The following IQCM variants were observed in gnomAD, a reference collection of about 807,000 sequenced individuals.
The protein encoded by IQCM is IQ domain-containing protein M.
IQCM carries 45 observed loss-of-function variants against 57.6 expected under a neutral mutation model. The observed-to-expected ratio is 0.78, with a 90% CI of 0.62 to 1.00. The LOEUF (loss-of-function observed/expected upper bound fraction) is 1.00. IQCM is among the 50% of genes least tolerant of loss of function. IQCM has a pLI of 0.00. For synonymous variants in IQCM, 148 were observed against 158.9 expected, an observed-to-expected ratio of 0.93 and a Z score of 0.51; for missense variants, 468 against 511.6, an observed-to-expected ratio of 0.91 and a Z score of 0.82.
intron 13 of IQCM, among the ~76,000 whole-genome samples, chr4:149,429,054 A>T (rs898030406): frequency 2.0e-4 from 31 of 152,012 alleles, no homozygotes; most frequent in African/African-American, 7.5e-4. Flanking sequence ...TTCTAGAAAG[A>T]TAATAGCTAA....
At chr4:149,803,295 T>G (rs1773778308) in intron 2 of IQCM, among the ~76,000 whole-genome samples, 1 of 152,060 alleles carries the variant, frequency 6.6e-6, no homozygotes, top group Admixed American at 6.6e-5. Flanking sequence ...ATATATTATA[T>G]AATGGGAAAT....
intron 13 of IQCM, among the ~76,000 whole-genome samples, chr4:149,356,545 A>C (rs923747148): frequency 1.2e-4 from 18 of 152,154 alleles, no homozygotes; most frequent in Non-Finnish European, 2.2e-4. Flanking sequence ...GTCAAAGATC[A>C]GATAGTTGTA....
intron 9 of IQCM, among the ~76,000 whole-genome samples, chr4:149,568,349 G>A (rs749360504): frequency 2.0e-5 from 3 of 152,146 alleles, no homozygotes; most frequent in Non-Finnish European, 4.4e-5. Flanking sequence ...CAAGACTCAT[G>A]ATCCTTGACC....
chr4:149,621,071 C>A, intron 8 of IQCM, 58 bp downstream of exon 8: 1 of 765,656 alleles, frequency 1.3e-6, no homozygotes, highest in Non-Finnish European at 1.8e-6. Context: ...AAAATTAATG[C>A]AATAATTTAC....
chr4:149,528,668 A>G (rs1746425594), intron 12 of IQCM, among the ~76,000 whole-genome samples: 1 of 152,146 alleles, frequency 6.6e-6, no homozygotes, highest in South Asian at 2.1e-4. Context: ...GATTCTGGGT[A>G]CAGAAAATGA....
At chr4:149,623,656 C>A (rs1007076050) in intron 7 of IQCM, among the ~76,000 whole-genome samples, 23 of 151,960 alleles carry the variant, frequency 1.5e-4, no homozygotes, top group African/African-American at 5.6e-4. Flanking sequence ...CTTCACAAAC[C>A]CTTCCTGGAG....
chr4:149,421,820 GT>G (rs1235240452), intron 13 of IQCM, among the ~76,000 whole-genome samples: 1 of 151,990 alleles, frequency 6.6e-6, no homozygotes, highest in African/African-American at 2.4e-5. Context: ...TTAATCTAAT[GT>G]TAACTTTAAA....
chr4:149,814,465 T>G (rs1561303697), intron 2 of IQCM, among the ~76,000 whole-genome samples: 1 of 152,024 alleles, frequency 6.6e-6, no homozygotes, highest in East Asian at 1.9e-4. Flanking sequence ...ATCAAGCTAA[T>G]TATCTTAAGT....
chr4:149,518,863 A>G (rs4835587), intron 12 of IQCM, among the ~76,000 whole-genome samples: 80,263 of 151,766 alleles, frequency 0.53, 21,421 homozygotes, highest in Non-Finnish European at 0.56. Context: ...CTATGGAAAC[A>G]TATAGAAAGC....
chr4:149,782,956 G>C (rs1238462803), intron 2 of IQCM, among the ~76,000 whole-genome samples: 1 of 152,044 alleles, frequency 6.6e-6, no homozygotes, highest in Non-Finnish European at 1.5e-5. Flanking sequence ...CTAAACATTA[G>C]AGTGTTTCAT....
chr4:149,355,967 T>A (rs1293108712), intron 13 of IQCM, among the ~76,000 whole-genome samples: 1 of 152,158 alleles, frequency 6.6e-6, no homozygotes, highest in African/African-American at 2.4e-5. Context: ...CTCACTGTGG[T>A]TTTGATTTGC....
At chr4:149,384,405 C>G (rs951183560) in intron 13 of IQCM, among the ~76,000 whole-genome samples, 3 of 152,140 alleles carry the variant, frequency 2.0e-5, no homozygotes, top group Non-Finnish European at 4.4e-5. Flanking sequence ...GTTTCCTGCT[C>G]TCTTCTCCCA....
At chr4:149,562,507 T>C (rs1256267485) in intron 10 of IQCM, among the ~76,000 whole-genome samples, 1 of 152,192 alleles carries the variant, frequency 6.6e-6, no homozygotes, top group East Asian at 1.9e-4. Flanking sequence ...AATTAGTTCA[T>C]CTCATTTTGG....
intron 12 of IQCM, among the ~76,000 whole-genome samples, chr4:149,479,297 A>G (rs1217692187): frequency 6.6e-6 from 1 of 152,174 alleles, no homozygotes; most frequent in Non-Finnish European, 1.5e-5. Context: ...AGAGGGAAAA[A>G]CACCATTCTA....
chr4:149,470,318 C>T (rs930353178), intron 12 of IQCM, among the ~76,000 whole-genome samples: 6 of 151,262 alleles, frequency 4.0e-5, no homozygotes, highest in Admixed American at 1.3e-4. Context: ...GCAGGGGTTG[C>T]AATACAAGTT....
In IQCM at chr4:149,758,389, A is replaced by T. The variant is rs2359702; in HGVS notation, c.-48-15650T>A. 9.1e-3 allele frequency among the ~76,000 whole-genome samples: 1,380 copies of T among 152,324 alleles called. 11 individuals carry two copies. The highest frequency in any genetic ancestry group is 0.031 in the African/African-American group (1,279 of 41,578). On this transcript the variant is annotated intron_variant, in intron 2 of 13. Transcript: ENST00000636793. ...AACCATAAAACTCCTAGAAGACAAC[A>T]GGAGAAAAATCTAGATAACTTGGTT...
intron 12 of IQCM, among the ~76,000 whole-genome samples, chr4:149,500,397 A>C (rs2149791020): frequency 6.6e-6 from 1 of 152,322 alleles, no homozygotes; most frequent in East Asian, 1.9e-4. Flanking sequence ...GATGTAGTGA[A>C]TTGAAGTTCA....
intron 7 of IQCM, among the ~76,000 whole-genome samples, chr4:149,678,832 G>T (rs571716469): frequency 6.6e-6 from 1 of 151,392 alleles, no homozygotes; most frequent in Admixed American, 6.6e-5. Context: ...CTACAATGAA[G>T]TATGATATTA....
intron 6 of IQCM, among the ~76,000 whole-genome samples, chr4:149,685,275 T>C (rs551738583): frequency 6.6e-6 from 1 of 151,692 alleles, no homozygotes; most frequent in Non-Finnish European, 1.5e-5. Flanking sequence ...GCTAAATTGC[T>C]ATATTAACTA....
Sources: allele counts gnomAD v4.1 joint callset (sites outside exome capture counted in the v4.1 genomes callset), GRCh38; gene constraint gnomAD v4.1.1; transcripts MANE v1.5; gene names NCBI Gene and HGNC (gene_info 2026-07-23, HGNC 2026-07-21).